ACTR3: variants seen among roughly 807,000 people sequenced by gnomAD.
The protein encoded by ACTR3 is actin related protein 3, also known as actin-related protein 3.
ACTR3 carries 12 observed loss-of-function variants against 56.8 expected under a neutral mutation model. That is an observed-to-expected ratio of 0.21 (90% CI 0.14 to 0.34). The LOEUF (loss-of-function observed/expected upper bound fraction) is 0.34. ACTR3 is among the 10% of genes least tolerant of loss of function. The pLI, the probability that ACTR3 is intolerant of heterozygous loss-of-function variation, is 1.00. For synonymous variants in ACTR3, 162 were observed against 167.4 expected (o/e 0.97, Z 0.25); for missense variants, 282 against 512.5 (o/e 0.55, Z 4.34).
At chr2:113,924,814 A>C (rs1376506984) in intron 3 of ACTR3, among the ~76,000 whole-genome samples, 5 of 152,136 alleles carry the variant, frequency 3.3e-5, no homozygotes, top group African/African-American at 1.2e-4. Context: ...CTGAGTTAAG[A>C]CCCGGCTTAG....
At chr2:113,898,053 G>A (rs1183814547) in intron 1 of ACTR3, among the ~76,000 whole-genome samples, 1 of 152,090 alleles carries the variant, frequency 6.6e-6, no homozygotes, top group African/African-American at 2.4e-5. Flanking sequence ...GAGAGAATTA[G>A]GGTGCAGAAG....
intron 10 of ACTR3, chr2:113,954,824 C>T: frequency 6.6e-6 from 1 of 152,034 alleles, no homozygotes; most frequent in East Asian, 1.9e-4. Context: ...AGAAACCAAG[C>T]TTTGTGCTCA....
intron 1 of ACTR3, among the ~76,000 whole-genome samples, chr2:113,910,406 C>A (rs1366796108): frequency 2.6e-5 from 4 of 152,120 alleles, no homozygotes; most frequent in Admixed American, 1.3e-4. Context: ...TATAATAAAC[C>A]AGCTAATGTG....
chr2:113,927,234 A>AAT (rs1679638663), intron 3 of ACTR3, 111 bp from the exon 4 acceptor site: 2 of 626,220 alleles, frequency 3.2e-6, no homozygotes, highest in Non-Finnish European at 2.6e-6. Flanking sequence ...CACACCTATG[A>AAT]ATATATCCTC....
At chr2:113,914,319 A>G (rs546568288) in intron 2 of ACTR3, among the ~76,000 whole-genome samples, 1 of 152,330 alleles carries the variant, frequency 6.6e-6, no homozygotes, top group South Asian at 2.1e-4. Flanking sequence ...CATTAAAGAA[A>G]TAACACTGTC....
chr2:113,897,959 T>C (rs985593941), intron 1 of ACTR3, among the ~76,000 whole-genome samples: 1 of 152,152 alleles, frequency 6.6e-6, no homozygotes, highest in South Asian at 2.1e-4. Context: ...TTTGTGAAAA[T>C]GCAATGCTCT....
intron 8 of ACTR3, among the ~76,000 whole-genome samples, chr2:113,948,112 A>AT (rs1680054690): frequency 6.6e-6 from 1 of 152,112 alleles, no homozygotes; most frequent in Non-Finnish European, 1.5e-5. Context: ...CTCCTTAGCT[A>AT]TGAATTGCTT....
At chr2:113,893,081 GGGGCACA>G (rs1678936772) in intron 1 of ACTR3, among the ~76,000 whole-genome samples, 2 of 152,086 alleles carry the variant, frequency 1.3e-5, no homozygotes, top group Non-Finnish European at 2.9e-5. Flanking sequence ...AAATACAGTT[GGGGCACA>G]TAGATTCCCA....
intron 3 of ACTR3, among the ~76,000 whole-genome samples, chr2:113,919,871 C>A (rs905736655): frequency 6.6e-6 from 1 of 152,210 alleles, no homozygotes. Flanking sequence ...ACTTCAGTCT[C>A]CTGAGTAGCT....
At chr2:113,949,445 A>G (rs1322811928) in intron 8 of ACTR3, among the ~76,000 whole-genome samples, 1 of 151,720 alleles carries the variant, frequency 6.6e-6, no homozygotes, top group South Asian at 2.1e-4. Context: ...CAATACAGTT[A>G]TAGACTCAGT....
chr2:113,909,901 G>T (rs747903736), intron 1 of ACTR3, among the ~76,000 whole-genome samples: 5 of 152,138 alleles, frequency 3.3e-5, no homozygotes, highest in African/African-American at 4.8e-5. Context: ...AAACAAGCTT[G>T]TACTTAATCT....
At chr2:113,920,466 T>C (rs1000492695) in intron 3 of ACTR3, among the ~76,000 whole-genome samples, 1 of 152,248 alleles carries the variant, frequency 6.6e-6, no homozygotes, top group Non-Finnish European at 1.5e-5. Flanking sequence ...AAGTAGCATA[T>C]TCACCTCAAA....
chr2:113,942,071 A>T, intron 7 of ACTR3, 115 bp from the exon 8 acceptor site: 1 of 854,276 alleles, frequency 1.2e-6, no homozygotes, highest in Non-Finnish European at 1.7e-6. Flanking sequence ...TCCTAATTTT[A>T]TTTTCTGAAG....
At chr2:113,897,515 G>GTATTTTTTTT (rs1559454475) in intron 1 of ACTR3, among the ~76,000 whole-genome samples, 1 of 134,110 alleles carries the variant, frequency 7.5e-6, no homozygotes. Context: ...GTGGCCAGAT[G>GTATTTTTTTT]TTATTTTTTT....
intron 10 of ACTR3, 53 bp downstream of exon 10, chr2:113,951,898 G>A (rs1372323101): frequency 1.9e-6 from 3 of 1,597,754 alleles, no homozygotes; most frequent in Non-Finnish European, 2.6e-6. Context: ...CCTTGATTAG[G>A]ATGAGAAATA....
chr2:113,940,204 T>C, intron 7 of ACTR3, 102 bp downstream of exon 7: 1 of 1,047,030 alleles, frequency 9.6e-7, no homozygotes. Context: ...TGAAATAATC[T>C]TGTTAACCAG....
chr2:113,958,424 A>AT lies in ACTR3; in HGVS notation c.*970dup, dbSNP rs1680263062. ...TAATATGTTGAGTGCTTTCATTTTGATAACTGGATCTCCATTTGATATTTT... is the reference window on the plus strand; with the variant it reads ...TAATATGTTGAGTGCTTTCATTTTGATTAACTGGATCTCCATTTGATATTTT... On this transcript the variant is annotated 3_prime_UTR_variant, in exon 12 of 12. Transcript: ENST00000263238. 6.6e-6 allele frequency: 1 copy of AT among 152,542 alleles called. No individual in the cohort carries two copies. The highest frequency in any genetic ancestry group is 1.5e-5 in the Non-Finnish European group (1 of 67,980). 9.4% of individuals were successfully genotyped at this position (152,542 alleles called of 1,614,324 possible). A position where few individuals can be genotyped will look rare whatever the true frequency, so the allele number is the denominator to read the frequency against.
chr2:113,897,428 C>A (rs1679027755), intron 1 of ACTR3, among the ~76,000 whole-genome samples: 1 of 150,322 alleles, frequency 6.7e-6, no homozygotes, highest in South Asian at 2.1e-4. Context: ...TTTCAAAATT[C>A]TTTCCAAACT....
In ACTR3 at chr2:113,942,169, GTTTC is replaced by G; in HGVS notation, c.685-13_685-10del. On this transcript the variant is annotated splice_polypyrimidine_tract_variant and intron_variant, in intron 7 of 11. Coordinates refer to ENST00000263238, the MANE Select transcript of ACTR3 (RefSeq NM_005721.5). ...ATAATAAGCAAAAAAAGTTACTTTT[GTTTC>G]TTTGTTTTTCAGGAGCGCTATAGTT... is the stretch of plus-strand genomic sequence containing the variant. The G allele has an allele frequency of 6.5e-7, 1 of 1,527,318 alleles. No homozygotes were observed. The highest frequency in any genetic ancestry group is 2.5e-5 in the East Asian group (1 of 39,366). The allele number at this position is 1,527,318 out of a possible 1,614,324, so 94.6% of individuals were successfully genotyped here.
Sources: allele counts gnomAD v4.1 joint callset (sites outside exome capture counted in the v4.1 genomes callset), GRCh38; gene constraint gnomAD v4.1.1; transcripts MANE v1.5; gene names NCBI Gene and HGNC (gene_info 2026-07-23, HGNC 2026-07-21).